The following LONRF2 variants were observed in gnomAD, a reference collection of about 807,000 sequenced individuals.
LONRF2 encodes LON peptidase N-terminal domain and ring finger 2.
A neutral mutation model predicts 66.6 loss-of-function variants in LONRF2; 35 were observed. That is an observed-to-expected ratio of 0.53 (90% confidence interval 0.40 to 0.70). The LOEUF (loss-of-function observed/expected upper bound fraction) is 0.70, where lower values mean the gene tolerates loss of function less well. Ranked by LOEUF, LONRF2 falls within the 30% of genes least tolerant of loss-of-function variation. The pLI, the probability that LONRF2 is intolerant of heterozygous loss-of-function variation, is 0.00. For missense variants in LONRF2, 902 were observed against 1,002.1 expected, an observed-to-expected ratio of 0.90 and a Z score of 1.35; for synonymous variants, 417 against 418.1, an observed-to-expected ratio of 1.00 and a Z score of 0.03.
At chr2:100,297,608 A>C (rs115211457) in intron 7 of LONRF2, among the ~76,000 whole-genome samples, 4,196 of 152,308 alleles carry the variant, frequency 0.028, 366 homozygotes, top group Admixed American at 0.18. Context: ...GGCAGGCACC[A>C]AAACAAGAGG....
chr2:100,280,932 ACTT>A lies in LONRF2; in HGVS notation c.*3363_*3365del, dbSNP rs1225971171. ...CACCTTTCTTCTTCATATCTTTCAC[ACTT>A]CTTCTTATTTGATAGACAGTATTCA... On this transcript the variant is annotated 3_prime_UTR_variant, in exon 12 of 12. Coordinates refer to ENST00000393437, the MANE Select transcript of LONRF2 (RefSeq NM_198461.4). 1.8e-4 allele frequency: 27 copies of A among 152,278 alleles called. No homozygotes were observed. Among genetic ancestry groups the A allele is most frequent in the African/African-American group, 5.8e-4 (24 of 41,544 alleles). The allele number at this position is 152,278 out of a possible 1,614,324, so 9.4% of individuals were successfully genotyped here.
intron 1 of LONRF2, among the ~76,000 whole-genome samples, chr2:100,311,366 A>AT (rs397953134): frequency 3.3e-5 from 5 of 151,502 alleles, no homozygotes; most frequent in Admixed American, 6.6e-5. Flanking sequence ...GGAAAAAAAA[A>AT]TTTTGGAAAA....
chr2:100,321,599 G>C lies in LONRF2; in HGVS notation c.495C>G (p.Arg165=). ...TLPCGLTVCK[R]CVEPGPARPQ... is the part of the protein sequence containing the mutation. ...GCCGCGCGGGCCCTGGCTCCACGCA[G>C]CGCTTGCAGACTGTGAGCCCGCAGG... Residue 165 remains arginine, a synonymous_variant, in exon 1 of 12, where the codon CGC becomes CGG. Coordinates refer to ENST00000393437, the MANE Select transcript of LONRF2 (RefSeq NM_198461.4). 6.6e-7 allele frequency: 1 copy of C among 1,522,444 alleles called. No individual in the cohort carries two copies. The highest frequency in any genetic ancestry group is 8.7e-7 in the Non-Finnish European group (1 of 1,147,162). 94.3% of individuals were successfully genotyped at this position (1,522,444 alleles called of 1,614,324 possible).
In LONRF2 at chr2:100,299,338, A is replaced by T. The variant is rs774832700; in HGVS notation, c.1268-19T>A. 1 of 1,468,782 alleles carries T rather than the reference A, an allele frequency of 6.8e-7. No homozygotes were observed. Among genetic ancestry groups the T allele is most frequent in the Admixed American group, 2.1e-5 (1 of 46,638 alleles). 91.0% of individuals were successfully genotyped at this position (1,468,782 alleles called of 1,614,324 possible). A position where few individuals can be genotyped will look rare whatever the true frequency, so the allele number is the denominator to read the frequency against. ...GAGAGATCTGAATGCGAAAAAATTT[A>T]AAACGCTGTAATTAACACCTAAGCA... On this transcript the variant is annotated intron_variant, in intron 5 of 11. Transcript: ENST00000393437.
At chr2:100,309,288 T>C (rs1675363162) in intron 1 of LONRF2, 63 bp from the exon 2 acceptor site, 11 of 957,798 alleles carry the variant, frequency 1.1e-5, no homozygotes, top group South Asian at 7.3e-5. Context: ...GTAATCTTAA[T>C]GTCATTACAT....
At chr2:100,318,527 TAATA>T (rs1321117134) in intron 1 of LONRF2, among the ~76,000 whole-genome samples, 2 of 152,042 alleles carry the variant, frequency 1.3e-5, no homozygotes, top group Non-Finnish European at 2.9e-5. Context: ...TAAGGTCACA[TAATA>T]AATAAGCATC....
At chr2:100,318,956 C>A (rs923831385) in intron 1 of LONRF2, among the ~76,000 whole-genome samples, 1 of 151,682 alleles carries the variant, frequency 6.6e-6, no homozygotes, top group African/African-American at 2.4e-5. Flanking sequence ...ATGGTGAAAC[C>A]CTGTCTCTAC....
chr2:100,292,580 G>C (rs990495754), intron 9 of LONRF2, among the ~76,000 whole-genome samples: 2 of 151,962 alleles, frequency 1.3e-5, no homozygotes, highest in Non-Finnish European at 2.9e-5. Context: ...TTGTTGTTTG[G>C]ATGGGAATAA....
Position 100,278,740 on chromosome 2 carries a change from C to T in LONRF2, c.*5558G>A, listed in dbSNP as rs1484270870. The T allele has an allele frequency of 6.6e-6, 1 of 152,200 alleles. No homozygotes were observed. Among genetic ancestry groups the T allele is most frequent in the Admixed American group, 6.5e-5 (1 of 15,276 alleles). The allele number at this position is 152,200 out of a possible 1,614,324, so 9.4% of individuals were successfully genotyped here. On this transcript the variant is annotated 3_prime_UTR_variant, in exon 12 of 12. Transcript: ENST00000393437. ...GCTCACGGCTGAAGATGACATGGTC[C>T]CAGCCACGACCTCGCCGTGGGAGAT...
Position 100,281,624 on chromosome 2 carries a change from T to C in LONRF2, c.*2674A>G, listed in dbSNP as rs1674738679. Reference sequence around the variant, plus strand: ...TGGAAAAATACAGAACAGCATGTATTGTTCCTCAAGAAGAAAAATGACTCC... The same window carrying C: ...TGGAAAAATACAGAACAGCATGTATCGTTCCTCAAGAAGAAAAATGACTCC... On this transcript the variant is annotated 3_prime_UTR_variant, in exon 12 of 12. Transcript: ENST00000393437. 1 of 152,132 alleles carries C rather than the reference T, an allele frequency of 6.6e-6. No homozygotes were observed. Among genetic ancestry groups the C allele is most frequent in the Admixed American group, 6.5e-5 (1 of 15,272 alleles). 9.4% of individuals were successfully genotyped at this position (152,132 alleles called of 1,614,324 possible). A position where few individuals can be genotyped will look rare whatever the true frequency, so the allele number is the denominator to read the frequency against.
chr2:100,287,376 G>A (rs1223534315), intron 10 of LONRF2, among the ~76,000 whole-genome samples: 1 of 152,124 alleles, frequency 6.6e-6, no homozygotes, highest in Non-Finnish European at 1.5e-5. Flanking sequence ...ATTCACGTAA[G>A]TTATTTAGAA....
In LONRF2 at chr2:100,294,282, G is replaced by C; in HGVS notation, c.1704C>G (p.Cys568Trp). Residue 568 changes from cysteine to tryptophan, a missense_variant, in exon 9 of 12, where the codon TGC becomes TGG. Cys to Trp is a radical substitution (Grantham distance 215). Coordinates refer to ENST00000393437, the MANE Select transcript of LONRF2 (RefSeq NM_198461.4). ...CAAACCGCTTGGTGCCAGTTTCCAT[G>C]CATCTTCTTATCATAAGCCGATAGC... Reference protein sequence around the residue: ...EPRYRLMIRRCMETGTKRFGM... With the variant: ...EPRYRLMIRRWMETGTKRFGM... The C allele has an allele frequency of 6.2e-7, 1 of 1,608,558 alleles. No homozygotes were observed. The highest frequency in any genetic ancestry group is 8.5e-7 in the Non-Finnish European group (1 of 1,178,064).
In LONRF2 at chr2:100,321,877, G is replaced by A. The variant is rs1460492056; in HGVS notation, c.217C>T (p.Arg73Cys). 52 of 1,214,992 alleles carry A rather than the reference G, an allele frequency of 4.3e-5. No homozygotes were observed. Among genetic ancestry groups the A allele is most frequent in the Non-Finnish European group, 5.3e-5 (52 of 978,412 alleles). The allele number at this position is 1,214,992 out of a possible 1,614,324, so 75.3% of individuals were successfully genotyped here. Residue 73 changes from arginine (R) to cysteine (C), a missense_variant, in exon 1 of 12, where the codon CGC becomes TGC. Around this residue, in one of 2 missense-constraint regions of LONRF2, gnomAD observed 585 missense variants for 569.9 expected, o/e 1.03. Transcript: ENST00000393437. Reference sequence around the variant, plus strand: ...AACGCGCCCAGGGCTTCGGGGAGGCGGCCGGCGCGGGCCAGCGCGTCCCCC... The same window carrying A: ...AACGCGCCCAGGGCTTCGGGGAGGCAGCCGGCGCGGGCCAGCGCGTCCCCC... ...RLGDALARAGRLPEALGAFRG... is the reference protein window; with the variant it reads ...RLGDALARAGCLPEALGAFRG...
intron 7 of LONRF2, among the ~76,000 whole-genome samples, chr2:100,297,230 G>A (rs1158769268): frequency 1.3e-5 from 2 of 151,988 alleles, no homozygotes; most frequent in Non-Finnish European, 2.9e-5. Context: ...CCGGGTTCAC[G>A]CCATTCTCCT....
chr2:100,322,049 AG>A lies in LONRF2; in HGVS notation c.44del (p.Pro15LeufsTer13). On this transcript the variant is annotated frameshift_variant, in exon 1 of 12. Transcript: ENST00000393437. LOFTEE classifies it high-confidence loss of function. ...PVPPPPPPQCPGCDRAEPIAQ... is the reference protein window; with the variant it reads ...PVPPPPPPQCXGCDRAEPIAQ... ...CGATCGGCTCCGCGCGGTCGCAGCC[AG>A]GACACTGGGGCGGCGGCGGCGGCGG... The A allele has an allele frequency of 7.5e-7, 1 of 1,328,708 alleles. No homozygotes were observed. Among genetic ancestry groups the A allele is most frequent in the South Asian group, 1.9e-5 (1 of 52,894 alleles). The allele number at this position is 1,328,708 out of a possible 1,614,324, so 82.3% of individuals were successfully genotyped here.
At position 100,321,565 on chromosome 2, in the gene LONRF2, G is replaced by T; in HGVS notation, c.529C>A (p.Arg177=). The T allele has an allele frequency of 1.3e-6, 2 of 1,537,358 alleles. No individual in the cohort carries two copies. Among genetic ancestry groups the T allele is most frequent in the African/African-American group, 1.4e-5 (1 of 70,158 alleles). The stretch of plus-strand genomic sequence containing the variant: ...CCGCTCAGCACCACGTTCACGCGCC[G>T]CACCTGCGGCCGCGCGGGCCCTGGC... ...VEPGPARPQV[R]RVNVVLSGLL... Residue 177 remains arginine (R), a synonymous_variant, in exon 1 of 12, where the codon CGG becomes AGG. Transcript: ENST00000393437.
At chr2:100,291,719 C>A (rs1369525082) in intron 9 of LONRF2, among the ~76,000 whole-genome samples, 2 of 152,084 alleles carry the variant, frequency 1.3e-5, no homozygotes, top group African/African-American at 4.8e-5. Context: ...ACCAGCCCGG[C>A]CCTTCACAGC....
intron 3 of LONRF2, among the ~76,000 whole-genome samples, chr2:100,302,349 G>A (rs1675201511): frequency 6.6e-6 from 1 of 152,188 alleles, no homozygotes; most frequent in African/African-American, 2.4e-5. Context: ...AAATTACAGG[G>A]TAAATACGTG....
chr2:100,309,820 G>A (rs921088322), intron 1 of LONRF2, among the ~76,000 whole-genome samples: 1 of 152,060 alleles, frequency 6.6e-6, no homozygotes, highest in Admixed American at 6.6e-5. Context: ...TTACAGGTAT[G>A]TGCCACCACG....
Sources: gnomAD v4.1 joint callset for allele counts (sites outside exome capture counted in the v4.1 genomes callset) on GRCh38, gnomAD v4.1.1 for gene constraint, gnomAD v4.1.1 regional missense constraint, MANE v1.5 for transcripts, NCBI Gene and HGNC (gene_info 2026-07-23, HGNC 2026-07-21) for gene names.